The following RHOBTB3 variants were observed in gnomAD, a reference collection of about 807,000 sequenced individuals.
RHOBTB3 encodes the protein rho-related BTB domain-containing protein 3.
Under a neutral mutation model 67.2 loss-of-function variants are expected in RHOBTB3, and 47 were observed. The observed-to-expected ratio is 0.70, with a 90% CI of 0.55 to 0.89. RHOBTB3 has a LOEUF of 0.89. Ranked by LOEUF, RHOBTB3 falls within the 40% of genes least tolerant of loss-of-function variation. The probability of loss-of-function intolerance (pLI) is 0.00; values close to 1 mark genes in which losing one functional copy is unlikely to be tolerated. For missense variants in RHOBTB3, 631 were observed against 750.0 expected, an observed-to-expected ratio of 0.84 and a Z score of 1.85; for synonymous variants, 273 against 274.2, an observed-to-expected ratio of 1.00 and a Z score of 0.04.
intron 8 of RHOBTB3, among the ~76,000 whole-genome samples, chr5:95,778,084 A>G (rs1745942106): frequency 6.6e-6 from 1 of 151,304 alleles, no homozygotes; most frequent in African/African-American, 2.4e-5. Flanking sequence ...GTGCTACCGT[A>G]CTCCAGCCTG....
At chr5:95,751,159 G>T (rs1488165662) in intron 4 of RHOBTB3, among the ~76,000 whole-genome samples, 2 of 152,186 alleles carry the variant, frequency 1.3e-5, no homozygotes, top group Admixed American at 1.3e-4. Context: ...GTAAAGGACA[G>T]ATTTTAAAGA....
At chr5:95,775,729 A>T (rs996413716) in intron 8 of RHOBTB3, among the ~76,000 whole-genome samples, 1 of 152,086 alleles carries the variant, frequency 6.6e-6, no homozygotes, top group African/African-American at 2.4e-5. Flanking sequence ...GTAAATGGGA[A>T]TAGCAATTGG....
chr5:95,742,199 G>A (rs1388612710), intron 3 of RHOBTB3, among the ~76,000 whole-genome samples: 1 of 152,118 alleles, frequency 6.6e-6, no homozygotes, highest in Non-Finnish European at 1.5e-5. Flanking sequence ...TTACTTCTGC[G>A]CCCTTTAATT....
At chr5:95,782,141 A>G (rs1746065856) in intron 9 of RHOBTB3, 1 of 152,236 alleles carries the variant, frequency 6.6e-6, no homozygotes, top group South Asian at 2.1e-4. Flanking sequence ...ATGAGTCAAA[A>G]TGAATAATCA....
At chr5:95,775,778 A>G (rs1745855864) in intron 8 of RHOBTB3, among the ~76,000 whole-genome samples, 1 of 152,104 alleles carries the variant, frequency 6.6e-6, no homozygotes, top group Admixed American at 6.6e-5. Context: ...TTGATGTGTA[A>G]TTTAAATGTT....
intron 8 of RHOBTB3, chr5:95,769,290 T>C (rs1239172658): frequency 4.4e-6 from 2 of 449,578 alleles, no homozygotes; most frequent in Non-Finnish European, 8.8e-6. Flanking sequence ...TTGTTGCCAG[T>C]AACACTAAGA....
Position 95,780,388 on chromosome 5 carries a change from A to G in RHOBTB3, c.1419A>G (p.Ser473=). Residue 473 remains serine, a synonymous_variant, in exon 9 of 12, where the codon TCA becomes TCG. Coordinates refer to ENST00000379982, the MANE Select transcript of RHOBTB3 (RefSeq NM_014899.4). ...VYGVSKETFL[S]FLEYLYTDSC... Reference sequence around the variant, plus strand: ...GTGTTTCCAAAGAGACTTTCTTGTCATTTTTAGAATACCTGTACACAGACT... The same window carrying G: ...GTGTTTCCAAAGAGACTTTCTTGTCGTTTTTAGAATACCTGTACACAGACT... The G allele has an allele frequency of 1.2e-6, 2 of 1,614,074 alleles. No individual in the cohort carries two copies. Among genetic ancestry groups the G allele is most frequent in the East Asian group, 4.5e-5 (2 of 44,884 alleles).
chr5:95,759,369 A>C (rs1196100192), intron 6 of RHOBTB3, among the ~76,000 whole-genome samples: 4 of 152,238 alleles, frequency 2.6e-5, no homozygotes, highest in Non-Finnish European at 1.5e-5. Context: ...TTATTCTTTA[A>C]TTATTTACAG....
intron 10 of RHOBTB3, 49 bp from the exon 11 acceptor site, chr5:95,788,713 C>T (rs1478675028): frequency 6.5e-6 from 8 of 1,224,660 alleles, no homozygotes; most frequent in Non-Finnish European, 9.4e-6. Context: ...TCTTATCATA[C>T]CAGTGGCCAT....
At position 95,783,910 on chromosome 5, in the gene RHOBTB3, A is replaced by G. The variant is rs1408106891; in HGVS notation, c.1570A>G (p.Arg524Gly). The G allele has an allele frequency of 6.2e-7, 1 of 1,613,910 alleles. No homozygotes were observed. The highest frequency in any genetic ancestry group is 2.2e-5 in the East Asian group (1 of 44,896). ...TACCCAGCTGCAGAGCATGCCAAGC[A>G]GGGAACTGGCATCCATGAACCTTGA... ...IITQLQSMPSRELASMNLDIV... is the reference protein window; with the variant it reads ...IITQLQSMPSGELASMNLDIV... The change falls in exon 10 of 12, where the codon AGG becomes GGG. Residue 524 changes from arginine (R) to glycine (G), a missense_variant. Arg to Gly is a moderately radical substitution (Grantham distance 125). Transcript: ENST00000379982.
intron 3 of RHOBTB3, among the ~76,000 whole-genome samples, chr5:95,743,377 G>A (rs1175052163): frequency 6.6e-6 from 1 of 152,066 alleles, no homozygotes; most frequent in African/African-American, 2.4e-5. Flanking sequence ...TGCTTCCACT[G>A]GGGTTCTCCC....
intron 3 of RHOBTB3, among the ~76,000 whole-genome samples, chr5:95,746,513 C>T (rs1416180494): frequency 1.3e-5 from 2 of 151,898 alleles, no homozygotes; most frequent in Non-Finnish European, 2.9e-5. Context: ...TTTATTTGCT[C>T]CAAACTTAAA....
At chr5:95,733,784 A>G (rs1755375332) in intron 2 of RHOBTB3, among the ~76,000 whole-genome samples, 1 of 152,206 alleles carries the variant, frequency 6.6e-6, no homozygotes, top group African/African-American at 2.4e-5. Context: ...GGTGGTAAGT[A>G]AAGCCCATCA....
At chr5:95,732,241 C>T in intron 2 of RHOBTB3, 157 bp downstream of exon 2, 1 of 703,488 alleles carries the variant, frequency 1.4e-6, no homozygotes, top group Admixed American at 2.2e-5. Context: ...TCCTTTGTTT[C>T]ACTGGGCAGG....
intron 6 of RHOBTB3, among the ~76,000 whole-genome samples, chr5:95,756,411 T>G (rs142400930): frequency 2.0e-5 from 3 of 152,262 alleles, no homozygotes; most frequent in Non-Finnish European, 4.4e-5. Flanking sequence ...CATTCATCCA[T>G]GGACGCTTGG....
intron 5 of RHOBTB3, among the ~76,000 whole-genome samples, chr5:95,753,605 T>C (rs1745157714): frequency 6.6e-6 from 1 of 152,206 alleles, no homozygotes; most frequent in African/African-American, 2.4e-5. Context: ...CACACTTGGC[T>C]TTTAATTTCC....
chr5:95,790,952 A>G (rs1441915854), intron 11 of RHOBTB3, among the ~76,000 whole-genome samples: 1 of 152,208 alleles, frequency 6.6e-6, no homozygotes, highest in Non-Finnish European at 1.5e-5. Flanking sequence ...TCCTAGTGGC[A>G]ACATGTGGCT....
upstream of RHOBTB3, among the ~76,000 whole-genome samples, chr5:95,729,923 TC>T (rs1755170782): frequency 6.6e-6 from 1 of 152,206 alleles, no homozygotes; most frequent in African/African-American, 2.4e-5. Context: ...CATTCTAGTG[TC>T]TTTGTTTTTG....
chr5:95,783,728 G>C lies in RHOBTB3; in HGVS notation c.1457-69G>C, dbSNP rs866710668. ...TTTTTAATTGTTGTTTTTTGTTGGT[G>C]GGGGGTGTTTAGATCATTAAAGAAA... On this transcript the variant is annotated intron_variant, in intron 9 of 11. Transcript: ENST00000379982. 7 of 1,307,930 alleles carry C rather than the reference G, an allele frequency of 5.4e-6. No individual in the cohort carries two copies. In the African/African-American group the frequency reaches 5.8e-5, roughly 11 times the overall value. The allele number at this position is 1,307,930 out of a possible 1,614,324, so 81.0% of individuals were successfully genotyped here.
Sources: allele counts gnomAD v4.1 joint callset (sites outside exome capture counted in the v4.1 genomes callset), GRCh38; gene constraint gnomAD v4.1.1; transcripts MANE v1.5; gene names NCBI Gene and HGNC (gene_info 2026-07-23, HGNC 2026-07-21).